Variants in LIFR observed in about 807,000 individuals in gnomAD.
LIFR encodes the protein leukemia inhibitory factor receptor.
Under a neutral mutation model 122.2 loss-of-function variants are expected in LIFR, and 84 were observed. That is an observed-to-expected ratio of 0.69 (90% CI 0.58 to 0.82). The LOEUF (loss-of-function observed/expected upper bound fraction) is 0.82, where lower values mean the gene tolerates loss of function less well. Ranked by LOEUF, LIFR falls within the 40% of genes least tolerant of loss-of-function variation. The probability of loss-of-function intolerance (pLI) is 0.00; values close to 1 mark genes in which losing one functional copy is unlikely to be tolerated. For synonymous variants in LIFR, 422 were observed against 434.7 expected (o/e 0.97, Z 0.36); for missense variants, 1,294 against 1,311.6 (o/e 0.99, Z 0.21).
chr5:38,579,414 T>C (rs1335123193), intron 1 of LIFR: 1 of 151,950 alleles, frequency 6.6e-6, no homozygotes, highest in Non-Finnish European at 1.5e-5. Context: ...ATCTGCTATA[T>C]AGGACATTTC....
chr5:38,583,407 C>T (rs1701516181), intron 1 of LIFR, among the ~76,000 whole-genome samples: 1 of 152,046 alleles, frequency 6.6e-6, no homozygotes, highest in African/African-American at 2.4e-5. Context: ...ATTAAGAAAA[C>T]ACTGACACCA....
intron 1 of LIFR, among the ~76,000 whole-genome samples, chr5:38,586,805 TTTCAACTCG>T (rs1242519146): frequency 6.6e-6 from 1 of 152,170 alleles, no homozygotes; most frequent in Non-Finnish European, 1.5e-5. Context: ...TGGCACATTG[TTTCAACTCG>T]TTCTGCTTTA....
intron 1 of LIFR, among the ~76,000 whole-genome samples, chr5:38,586,037 A>C (rs572556029): frequency 6.6e-6 from 1 of 152,146 alleles, no homozygotes; most frequent in Non-Finnish European, 1.5e-5. Context: ...CTTATCCGGT[A>C]TCCGCTTCCC....
chr5:38,591,873 CTAGAAGACACCTTAAAT>C (rs559911034), intron 1 of LIFR, among the ~76,000 whole-genome samples: 1 of 152,276 alleles, frequency 6.6e-6, no homozygotes, highest in South Asian at 2.1e-4. Context: ...GCATTTTGAT[CTAGAAGACACCTTAAAT>C]TGGAGGGTCT....
At chr5:38,505,159 G>A (rs1315767317) in intron 9 of LIFR, among the ~76,000 whole-genome samples, 1 of 115,830 alleles carries the variant, frequency 8.6e-6, no homozygotes, top group East Asian at 3.0e-4. Flanking sequence ...GGCTCTCCAG[G>A]ACATCCTTAA....
At chr5:38,592,002 C>A (rs1749935636) in intron 1 of LIFR, among the ~76,000 whole-genome samples, 1 of 152,174 alleles carries the variant, frequency 6.6e-6, no homozygotes, top group African/African-American at 2.4e-5. Context: ...ATGCTTACCA[C>A]TAACTCCAGC....
intron 1 of LIFR, among the ~76,000 whole-genome samples, chr5:38,566,505 G>T (rs1294640933): frequency 6.6e-6 from 1 of 151,966 alleles, no homozygotes; most frequent in Non-Finnish European, 1.5e-5. Context: ...CTATACTCTT[G>T]TTCACTATTT....
rs1418401106 is a variant in LIFR, at chr5:38,506,653, GT to G, written c.992-22del. On this transcript the variant is annotated intron_variant, in intron 7 of 19. Transcript: ENST00000453190. ...TGGATCTAACAGAAAAAAAATGCAG[GT>G]ACTTATGATTACATATATTTTCCCT... 5 of 1,599,984 alleles carry G rather than the reference GT, an allele frequency of 3.1e-6. No individual in the cohort carries two copies. In the East Asian group the frequency reaches 1.1e-4, roughly 36 times the overall value.
intron 15 of LIFR, 94 bp from the exon 16 acceptor site, chr5:38,489,339 C>T: frequency 2.0e-6 from 2 of 999,458 alleles, no homozygotes; most frequent in South Asian, 1.4e-5. Flanking sequence ...AAAAATAATT[C>T]AACTTGGAAT....
chr5:38,526,183 A>C (rs2112554866), intron 4 of LIFR, among the ~76,000 whole-genome samples: 1 of 152,308 alleles, frequency 6.6e-6, no homozygotes, highest in Non-Finnish European at 1.5e-5. Flanking sequence ...ATAGGGAAGA[A>C]ATTTAATGAA....
rs965175868 is a variant in LIFR, at chr5:38,556,641, G to C, written c.-327C>G. 2 of 147,882 alleles carry C rather than the reference G, an allele frequency of 1.4e-5. No individual in the cohort carries two copies. The highest frequency in any genetic ancestry group is 2.0e-4 in the East Asian group (1 of 5,006). 9.2% of individuals were successfully genotyped at this position (147,882 alleles called of 1,614,324 possible). A position where few individuals can be genotyped will look rare whatever the true frequency, so the allele number is the denominator to read the frequency against. ...CCGCCACGGCCGAGTCGCTCCAGCC[G>C]GGACTGCGGCGCGCGGGGGCGGCGC... is the stretch of plus-strand genomic sequence containing the variant. On this transcript the variant is annotated 5_prime_UTR_variant, in exon 1 of 20. Transcript: ENST00000453190.
intron 2 of LIFR, among the ~76,000 whole-genome samples, chr5:38,530,090 T>C (rs1389121485): frequency 6.6e-6 from 1 of 152,150 alleles, no homozygotes; most frequent in Non-Finnish European, 1.5e-5. Flanking sequence ...GGTAACATTA[T>C]AGAGACAGAA....
At position 38,502,593 on chromosome 5, in the gene LIFR, G is replaced by A. The variant is rs1396763708; in HGVS notation, c.1600+44C>T. The A allele has an allele frequency of 2.0e-6, 3 of 1,508,462 alleles. No individual in the cohort carries two copies. In the South Asian group the frequency reaches 3.4e-5, roughly 17 times the overall value. The allele number at this position is 1,508,462 out of a possible 1,614,324, so 93.4% of individuals were successfully genotyped here. A position where few individuals can be genotyped will look rare whatever the true frequency, so the allele number is the denominator to read the frequency against. ...TTTTTAAAGAAGTTGTAAAACTTCAGAATACACAGTAATTATTAGCCATAC... is the reference window on the plus strand; with the variant it reads ...TTTTTAAAGAAGTTGTAAAACTTCAAAATACACAGTAATTATTAGCCATAC... On this transcript the variant is annotated intron_variant, in intron 11 of 19. Transcript: ENST00000453190.
chr5:38,579,609 G>A (rs566598586), intron 1 of LIFR: 1 of 152,170 alleles, frequency 6.6e-6, no homozygotes, highest in African/African-American at 2.4e-5. Flanking sequence ...AAGTTTCCAA[G>A]CTTTGTTTCC....
At chr5:38,485,384 C>CG (rs1744230106) in intron 17 of LIFR, among the ~76,000 whole-genome samples, 1 of 152,150 alleles carries the variant, frequency 6.6e-6, no homozygotes, top group Non-Finnish European at 1.5e-5. Flanking sequence ...AAGTGAAGTT[C>CG]TTTACCGCAG....
intron 1 of LIFR, among the ~76,000 whole-genome samples, chr5:38,563,686 A>G (rs1474303523): frequency 2.6e-5 from 4 of 152,200 alleles, no homozygotes; most frequent in Non-Finnish European, 5.9e-5. Flanking sequence ...AACTCAGCCC[A>G]TCCTCCCTAC....
At position 38,481,522 on chromosome 5, in the gene LIFR, C is replaced by T; in HGVS notation, c.*73G>A. 6.8e-7 allele frequency: 1 copy of T among 1,466,906 alleles called. No homozygotes were observed. The highest frequency in any genetic ancestry group is 1.7e-5 in the Admixed American group (1 of 59,828). The allele number at this position is 1,466,906 out of a possible 1,614,324, so 90.9% of individuals were successfully genotyped here. On this transcript the variant is annotated 3_prime_UTR_variant, in exon 20 of 20. Transcript: ENST00000453190. ...ACTTCACAGGATCCCTCCAAGAATG[C>T]CCAGTGCTGATGTAGCAACACTAGC... is the stretch of plus-strand genomic sequence containing the variant.
At position 38,484,744 on chromosome 5, in the gene LIFR, A is replaced by C. The variant is rs41271045; in HGVS notation, c.2591+31T>G. On this transcript the variant is annotated intron_variant, in intron 18 of 19. Transcript: ENST00000453190. The stretch of plus-strand genomic sequence containing the variant: ...ATCTTATAATCATGCCTTTAAGAAG[A>C]AAACAGCAAGAGTAAATGCAGAACT... 1,600 of 1,407,474 alleles carry C rather than the reference A, an allele frequency of 1.1e-3. 3 individuals are homozygous for C. Among genetic ancestry groups the C allele is most frequent in the Non-Finnish European group, 1.5e-3 (1,530 of 992,184 alleles). The allele number at this position is 1,407,474 out of a possible 1,614,324, so 87.2% of individuals were successfully genotyped here. A position where few individuals can be genotyped will look rare whatever the true frequency, so the allele number is the denominator to read the frequency against.
Position 38,523,431 on chromosome 5 carries a change from C to A in LIFR, c.549G>T (p.Glu183Asp), listed in dbSNP as rs1409509550. 2 of 1,610,570 alleles carry A rather than the reference C, an allele frequency of 1.2e-6. No individual in the cohort carries two copies. Among genetic ancestry groups the A allele is most frequent in the Middle Eastern group, 1.7e-4 (1 of 6,034 alleles). Residue 183 changes from glutamate (E) to aspartate (D), a missense_variant, in exon 5 of 20, where the codon GAG becomes GAT. Transcript: ENST00000453190. ...TGTTCAAACTTACTAATTTTACGAG[C>A]TCCATACTCTCTTTACGTAGAACTT... is the stretch of plus-strand genomic sequence containing the variant. Reference protein sequence around the residue: ...EIKVLRKESMELVKLVTHNTT... With the variant: ...EIKVLRKESMDLVKLVTHNTT...
Sources: allele counts gnomAD v4.1 joint callset (sites outside exome capture counted in the v4.1 genomes callset), GRCh38; gene constraint gnomAD v4.1.1; transcripts MANE v1.5; gene names NCBI Gene and HGNC (gene_info 2026-07-23, HGNC 2026-07-21).